Variants in GRM3 observed in about 807,000 individuals in gnomAD.
GRM3 encodes the protein glutamate metabotropic receptor 3.
GRM3 carries 26 observed loss-of-function variants against 70.5 expected under a neutral mutation model. That is an observed-to-expected ratio of 0.37 (90% CI 0.27 to 0.51). The LOEUF is 0.51. Ranked by LOEUF, GRM3 falls within the 20% of genes least tolerant of loss-of-function variation. GRM3 has a pLI of 0.93. For synonymous variants in GRM3, 443 were observed against 434.9 expected, an observed-to-expected ratio of 1.02 and a Z score of -0.23; for missense variants, 859 against 1,123.8, an observed-to-expected ratio of 0.76 and a Z score of 3.37.
chr7:86,657,647 A>G (rs1237203036), intron 1 of GRM3, among the ~76,000 whole-genome samples: 1 of 152,208 alleles, frequency 6.6e-6, no homozygotes, highest in Non-Finnish European at 1.5e-5. Flanking sequence ...TGAGCAGGGG[A>G]ATCTGAAAGC....
Position 86,864,638 on chromosome 7 carries a change from C to CAAAAAAAAAAAAAAAAAAAAA in GRM3, c.*295_*296insAAAAAAAAAAAAAAAAAAAAA, listed in dbSNP as rs796541263. ...CTGACATGGTCAGTCTACTAAAAAA[C>CAAAAAAAAAAAAAAAAAAAAA]AAAAAAAAAAAACAAAAAAAAAAAA... On this transcript the variant is annotated 3_prime_UTR_variant, in exon 6 of 6. Coordinates refer to ENST00000361669, the MANE Select transcript of GRM3 (RefSeq NM_000840.3). The CAAAAAAAAAAAAAAAAAAAAA allele has an allele frequency of 2.2e-5, 1 of 45,348 alleles. No homozygotes were observed. The highest frequency in any genetic ancestry group is 1.0e-4 in the African/African-American group (1 of 9,810). The allele number at this position is 45,348 out of a possible 1,614,324, so 2.8% of individuals were successfully genotyped here.
chr7:86,698,357 CTT>C (rs1794873175), intron 1 of GRM3, among the ~76,000 whole-genome samples: 1 of 151,792 alleles, frequency 6.6e-6, no homozygotes, highest in East Asian at 1.9e-4. Context: ...TAAAAGGTAA[CTT>C]AACTCTTTGT....
intron 3 of GRM3, among the ~76,000 whole-genome samples, chr7:86,826,417 G>T (rs1798235509): frequency 6.6e-6 from 1 of 152,176 alleles, no homozygotes; most frequent in East Asian, 1.9e-4. Context: ...TGGCTGACTG[G>T]TTTCTTAAAA....
chr7:86,826,479 G>A (rs927379043), intron 3 of GRM3, among the ~76,000 whole-genome samples: 4 of 152,156 alleles, frequency 2.6e-5, no homozygotes, highest in African/African-American at 9.7e-5. Context: ...TGTAGTGACT[G>A]TTGGGGTAAG....
At chr7:86,771,346 C>A (rs1796734753) in intron 2 of GRM3, among the ~76,000 whole-genome samples, 2 of 151,994 alleles carry the variant, frequency 1.3e-5, no homozygotes, top group African/African-American at 2.4e-5. Context: ...ATAATGGGCT[C>A]TTTTATATCG....
intron 3 of GRM3, among the ~76,000 whole-genome samples, chr7:86,808,644 G>T (rs547964637): frequency 6.6e-6 from 1 of 152,106 alleles, no homozygotes; most frequent in Non-Finnish European, 1.5e-5. Context: ...GAATTGGGGT[G>T]GAGGGGGTAG....
intron 1 of GRM3, among the ~76,000 whole-genome samples, chr7:86,698,164 A>C (rs1794860965): frequency 6.6e-6 from 1 of 152,094 alleles, no homozygotes. Flanking sequence ...ACATGGAAAA[A>C]GCAACTGAAC....
intron 5 of GRM3, among the ~76,000 whole-genome samples, chr7:86,855,232 A>G (rs1334952722): frequency 1.3e-5 from 2 of 152,188 alleles, no homozygotes; most frequent in Non-Finnish European, 2.9e-5. Flanking sequence ...ACTGCATAAT[A>G]TTTAAAGAGA....
At chr7:86,662,997 G>A (rs1316967711) in intron 1 of GRM3, among the ~76,000 whole-genome samples, 5 of 151,808 alleles carry the variant, frequency 3.3e-5, no homozygotes. Flanking sequence ...TTTGAGGCCA[G>A]TATAAAGAAA....
intron 5 of GRM3, among the ~76,000 whole-genome samples, chr7:86,852,576 T>C (rs2115573513): frequency 6.6e-6 from 1 of 152,282 alleles, no homozygotes; most frequent in African/African-American, 2.4e-5. Context: ...TGTTGGAATG[T>C]CTTGTTAATA....
intron 1 of GRM3, among the ~76,000 whole-genome samples, chr7:86,763,711 A>G (rs1562852723): frequency 6.6e-6 from 1 of 152,158 alleles, no homozygotes; most frequent in Non-Finnish European, 1.5e-5. Flanking sequence ...TGTGACGACA[A>G]AATGAGGAGT....
At chr7:86,860,249 G>C (rs1307197574) in intron 5 of GRM3, among the ~76,000 whole-genome samples, 6 of 152,138 alleles carry the variant, frequency 3.9e-5, no homozygotes, top group Admixed American at 3.9e-4. Flanking sequence ...ACACAGAAAT[G>C]ATAGTACTTT....
At chr7:86,794,571 G>A (rs553326690) in intron 3 of GRM3, among the ~76,000 whole-genome samples, 1 of 152,280 alleles carries the variant, frequency 6.6e-6, no homozygotes, top group African/African-American at 2.4e-5. Context: ...CATTGAGAAG[G>A]ATGGCTAAAG....
At chr7:86,804,684 T>A (rs1797751636) in intron 3 of GRM3, among the ~76,000 whole-genome samples, 1 of 152,188 alleles carries the variant, frequency 6.6e-6, no homozygotes. Flanking sequence ...GTGCTGGGAT[T>A]ATAGGTGTGA....
chr7:86,676,201 C>A (rs1180822063), intron 1 of GRM3, among the ~76,000 whole-genome samples: 1 of 151,572 alleles, frequency 6.6e-6, no homozygotes, highest in African/African-American at 2.4e-5. Context: ...TAAAGATTAC[C>A]AAGTATTTGA....
rs544245680 is a variant in GRM3 at position 86,733,916 on chromosome 7, T to A, written c.-140-31090T>A. Among the ~76,000 whole-genome samples the A allele has an allele frequency of 1.4e-4, 22 of 152,296 alleles. No homozygotes were observed. The South Asian group carries it at 3.9e-3, about 27-fold the overall frequency. ...CATGTAAGTGATCATCTAATACTCC[T>A]CAAGTGATGTGGTTACATAATAAGC... is the stretch of plus-strand genomic sequence containing the variant. On this transcript the variant is annotated intron_variant, in intron 1 of 5. Transcript: ENST00000361669.
chr7:86,833,620 CT>C (rs1037668053), intron 3 of GRM3, among the ~76,000 whole-genome samples: 2 of 152,162 alleles, frequency 1.3e-5, no homozygotes, highest in African/African-American at 4.8e-5. Context: ...TACTTGCTTC[CT>C]CATTACCCAG....
At chr7:86,764,225 G>A (rs1319069811) in intron 1 of GRM3, among the ~76,000 whole-genome samples, 1 of 152,060 alleles carries the variant, frequency 6.6e-6, no homozygotes, top group Non-Finnish European at 1.5e-5. Context: ...CCAGGGAGAG[G>A]TAGTGGGAGG....
intron 3 of GRM3, chr7:86,833,214 G>T: frequency 3.6e-6 from 1 of 280,628 alleles, no homozygotes; most frequent in Non-Finnish European, 5.2e-6. Context: ...CATGGACACA[G>T]GAAGGGGAAC....
Sources: gnomAD v4.1 joint callset for allele counts (sites outside exome capture counted in the v4.1 genomes callset) on GRCh38, gnomAD v4.1.1 for gene constraint, MANE v1.5 for transcripts, NCBI Gene and HGNC (gene_info 2026-07-23, HGNC 2026-07-21) for gene names.